ENPP1: variants seen among roughly 807,000 people sequenced by gnomAD.
ENPP1 encodes ectonucleotide pyrophosphatase/phosphodiesterase 1.
A neutral mutation model predicts 122.8 loss-of-function variants in ENPP1; 73 were observed. That is an observed-to-expected ratio of 0.59 (90% CI 0.49 to 0.72). The LOEUF is 0.72. Ranked by LOEUF, ENPP1 falls within the 30% of genes least tolerant of loss-of-function variation. The pLI is 0.00. For synonymous variants in ENPP1, 367 were observed against 391.6 expected, an observed-to-expected ratio of 0.94 and a Z score of 0.74; for missense variants, 978 against 1,128.1, an observed-to-expected ratio of 0.87 and a Z score of 1.91.
At position 131,827,202 on chromosome 6, in the gene ENPP1, A is replaced by G. The variant is rs1330781888; in HGVS notation, c.240+18927A>G. On this transcript the variant is annotated intron_variant, in intron 1 of 24. Coordinates refer to ENST00000647893, the MANE Select transcript of ENPP1 (RefSeq NM_006208.3). ...CAAGCTAATGTTTTTCAGTTTCTCA[A>G]CTGTCCATTCATTACTGAGGTTGAT... 4.0e-5 allele frequency: 33 copies of G among 816,384 alleles called. 1 individual carries two copies. Among genetic ancestry groups the G allele is most frequent in the Admixed American group, 1.1e-4 (6 of 56,926 alleles). 50.6% of individuals were successfully genotyped at this position (816,384 alleles called of 1,614,324 possible). A position where few individuals can be genotyped will look rare whatever the true frequency, so the allele number is the denominator to read the frequency against.
chr6:131,838,604 C>T (rs780847844), intron 1 of ENPP1, among the ~76,000 whole-genome samples: 1 of 148,530 alleles, frequency 6.7e-6, no homozygotes, highest in Admixed American at 6.7e-5. Context: ...AAAAAAAACC[C>T]GAAACCCAGA....
intron 1 of ENPP1, among the ~76,000 whole-genome samples, chr6:131,836,415 AGTGTGT>A (rs71809355): frequency 3.3e-5 from 5 of 150,632 alleles, no homozygotes; most frequent in East Asian, 3.9e-4. Context: ...CACCCAGCCG[AGTGTGT>A]GTGTGTGTGT....
chr6:131,835,786 TTAAAG>T (rs1186434761), intron 1 of ENPP1, among the ~76,000 whole-genome samples: 1 of 152,176 alleles, frequency 6.6e-6, no homozygotes, highest in African/African-American at 2.4e-5. Flanking sequence ...TTCTCATCAT[TTAAAG>T]TAATTGTTTT....
chr6:131,837,556 A>T (rs1429951769), intron 1 of ENPP1, among the ~76,000 whole-genome samples: 7 of 150,952 alleles, frequency 4.6e-5, no homozygotes, highest in African/African-American at 1.7e-4. Context: ...CAACCAGCCA[A>T]CCAAACAAAC....
chr6:131,881,307 C>G (rs1401983844), intron 20 of ENPP1, among the ~76,000 whole-genome samples: 1 of 151,940 alleles, frequency 6.6e-6, no homozygotes, highest in Non-Finnish European at 1.5e-5. Context: ...CTTCAAACAC[C>G]AAACACTTAA....
At position 131,887,559 on chromosome 6, in the gene ENPP1, A is replaced by ATTTT. The variant is rs71030768; in HGVS notation, c.2607+849_2607+852dup. ...AGGCGCCCGCCACCACACCCAGCTA[A>ATTTT]TTTTTTTTTTTTTTTTTGAGACAGA... On this transcript the variant is annotated intron_variant, in intron 24 of 24. Transcript: ENST00000647893. Among the ~76,000 whole-genome samples, 618 of 86,282 alleles carry ATTTT rather than the reference A, an allele frequency of 7.2e-3. 22 individuals carry two copies. Among genetic ancestry groups the ATTTT allele is most frequent in the African/African-American group, 0.015 (251 of 17,226 alleles). 56.6% of individuals were successfully genotyped at this position (86,282 alleles called of 152,430 possible).
intron 24 of ENPP1, among the ~76,000 whole-genome samples, chr6:131,889,752 T>C (rs992498607): frequency 6.6e-6 from 1 of 152,158 alleles, no homozygotes; most frequent in African/African-American, 2.4e-5. Context: ...ACTGAACATA[T>C]GCGTGCGTGT....
chr6:131,880,431 G>A (rs557004022), intron 20 of ENPP1, among the ~76,000 whole-genome samples: 4 of 152,056 alleles, frequency 2.6e-5, no homozygotes, highest in Non-Finnish European at 4.4e-5. Flanking sequence ...GGGCGTGGTG[G>A]CGGGCGCCTG....
At chr6:131,884,787 A>T in intron 22 of ENPP1, 144 bp from the exon 23 acceptor site, 1 of 993,208 alleles carries the variant, frequency 1.0e-6, no homozygotes, top group Non-Finnish European at 1.6e-6. Flanking sequence ...AACAAAAAAC[A>T]AAACAAAACG....
intron 16 of ENPP1, among the ~76,000 whole-genome samples, chr6:131,874,881 A>G (rs1040289158): frequency 5.3e-5 from 8 of 152,230 alleles, no homozygotes; most frequent in Admixed American, 2.0e-4. Flanking sequence ...CTACTCAGCC[A>G]TAAAAAGGAA....
In ENPP1 at chr6:131,861,673, A is replaced by G; in HGVS notation, c.994A>G (p.Ile332Val). 1 of 1,612,202 alleles carries G rather than the reference A, an allele frequency of 6.2e-7. No homozygotes were observed. Reference sequence around the variant, plus strand: ...AGGATCAGATGTGGAAATTAACGGAATTTTCCCAGACATCTATAAAATGTA... The same window carrying G: ...AGGATCAGATGTGGAAATTAACGGAGTTTTCCCAGACATCTATAAAATGTA... ...WPGSDVEINGIFPDIYKMYNG... is the reference protein window; with the variant it reads ...WPGSDVEINGVFPDIYKMYNG... The change falls in exon 9 of 25, where the codon ATT (isoleucine) becomes GTT (valine). Residue 332 changes from isoleucine (I) to valine (V), a missense_variant. This residue lies in a region of ENPP1 where 644 missense variants were observed against 781.5 expected (regional missense o/e 0.82). Coordinates refer to ENST00000647893, the MANE Select transcript of ENPP1 (RefSeq NM_006208.3).
chr6:131,885,132 T>C, intron 23 of ENPP1, 69 bp downstream of exon 23: 1 of 1,504,780 alleles, frequency 6.6e-7, no homozygotes, highest in South Asian at 1.1e-5. Flanking sequence ...TACCATCCAG[T>C]TGAGTCAACA....
intron 16 of ENPP1, among the ~76,000 whole-genome samples, chr6:131,874,541 CA>C (rs1435333232): frequency 1.3e-5 from 2 of 151,612 alleles, no homozygotes; most frequent in Non-Finnish European, 2.9e-5. Context: ...CAAAAAACAA[CA>C]GATGTAGTAA....
intron 1 of ENPP1, 45 bp downstream of exon 1, chr6:131,808,320 C>CG (rs1562505129): frequency 1.4e-6 from 2 of 1,466,548 alleles, no homozygotes. Context: ...GCTGGGAGTA[C>CG]GGGGAGGGCG....
intron 21 of ENPP1, 143 bp downstream of exon 21, chr6:131,882,617 T>C (rs1267650584): frequency 5.6e-6 from 1 of 178,012 alleles, no homozygotes; most frequent in Admixed American, 6.9e-5. Flanking sequence ...ATATATTATA[T>C]ATATAATATA....
In ENPP1 at chr6:131,864,555, C is replaced by CT; in HGVS notation, c.1077dup (p.Pro360SerfsTer2). 6.2e-7 allele frequency: 1 copy of CT among 1,607,678 alleles called. No individual in the cohort carries two copies. The highest frequency in any genetic ancestry group is 1.1e-5 in the South Asian group (1 of 90,900). On this transcript the variant is annotated frameshift_variant, in exon 10 of 25. Coordinates refer to ENST00000647893, the MANE Select transcript of ENPP1 (RefSeq NM_006208.3). LOFTEE classifies it high-confidence loss of function. ...TTTAGCTGTTCTTCAGTGGCTACAGCTTCCTAAAGATGAAAGGTCTGTAGG... is the reference window on the plus strand; with the variant it reads ...TTTAGCTGTTCTTCAGTGGCTACAGCTTTCCTAAAGATGAAAGGTCTGTAGG...
At chr6:131,817,080 G>A (rs1463514027) in intron 1 of ENPP1, among the ~76,000 whole-genome samples, 1 of 152,186 alleles carries the variant, frequency 6.6e-6, no homozygotes, top group African/African-American at 2.4e-5. Flanking sequence ...TCAGATGTAG[G>A]TGGTTGATTT....
At chr6:131,875,991 C>G in intron 17 of ENPP1, 128 bp downstream of exon 17, 4 of 740,168 alleles carry the variant, frequency 5.4e-6, no homozygotes, top group Non-Finnish European at 9.7e-6. Flanking sequence ...TACCTTCTTC[C>G]TGACTCTCAG....
chr6:131,822,124 C>G (rs1781491399), intron 1 of ENPP1, among the ~76,000 whole-genome samples: 2 of 152,172 alleles, frequency 1.3e-5, no homozygotes, highest in Non-Finnish European at 2.9e-5. Flanking sequence ...TCTACTTGGA[C>G]ACGATTTATT....
Sources: gnomAD v4.1 joint callset for allele counts (sites outside exome capture counted in the v4.1 genomes callset) on GRCh38, gnomAD v4.1.1 for gene constraint, gnomAD v4.1.1 regional missense constraint, MANE v1.5 for transcripts, NCBI Gene and HGNC (gene_info 2026-07-23, HGNC 2026-07-21) for gene names.